Variants in KIF1B observed in about 807,000 individuals in gnomAD.
KIF1B encodes kinesin family member 1B.
Under a neutral mutation model 241.9 loss-of-function variants are expected in KIF1B, and 76 were observed. That is an observed-to-expected ratio of 0.31 (90% confidence interval 0.26 to 0.38). The LOEUF is 0.38. Ranked by LOEUF, KIF1B falls within the 10% of genes least tolerant of loss-of-function variation. The probability of loss-of-function intolerance (pLI) is 1.00; values close to 1 mark genes in which losing one functional copy is unlikely to be tolerated. For missense variants in KIF1B, 1,622 were observed against 2,271.4 expected (o/e 0.71, Z 5.81); for synonymous variants, 750 against 796.7 (o/e 0.94, Z 0.99).
chr1:10,312,222 TCAC>T (rs1292064138), intron 22 of KIF1B, among the ~76,000 whole-genome samples: 2 of 151,442 alleles, frequency 1.3e-5, no homozygotes, highest in African/African-American at 4.9e-5. Context: ...CAAATCCAAG[TCAC>T]CTTTAGTTTC....
intron 1 of KIF1B, among the ~76,000 whole-genome samples, chr1:10,230,424 G>A (rs928448491): frequency 1.4e-4 from 20 of 148,042 alleles, no homozygotes; most frequent in African/African-American, 4.8e-4. Context: ...AGAAAAATTG[G>A]TTGTTTTTTT....
chr1:10,291,055 T>G (rs772819710), intron 15 of KIF1B, 27 bp from the exon 16 acceptor site: 11 of 1,582,868 alleles, frequency 6.9e-6, no homozygotes, highest in African/African-American at 1.3e-5. Flanking sequence ...ACTCTTTGCC[T>G]CTTTAACTGT....
intron 1 of KIF1B, among the ~76,000 whole-genome samples, chr1:10,230,299 G>T (rs973315986): frequency 1.1e-4 from 16 of 152,076 alleles, no homozygotes; most frequent in African/African-American, 3.6e-4. Context: ...TTTAAGTTCT[G>T]TTGTGGTTCC....
chr1:10,313,127 A>T (rs1300906944), intron 22 of KIF1B, among the ~76,000 whole-genome samples: 1 of 151,172 alleles, frequency 6.6e-6, no homozygotes, highest in East Asian at 1.9e-4. Flanking sequence ...AGTGTGTGAC[A>T]CGATCTTGGC....
chr1:10,364,723 G>A (rs923900604), intron 41 of KIF1B, among the ~76,000 whole-genome samples: 1 of 151,866 alleles, frequency 6.6e-6, no homozygotes, highest in Non-Finnish European at 1.5e-5. Context: ...TTATTAATTC[G>A]TGGCCAGGCG....
At chr1:10,362,153 T>C (rs904950946) in intron 40 of KIF1B, among the ~76,000 whole-genome samples, 15 of 152,350 alleles carry the variant, frequency 9.8e-5, no homozygotes, top group South Asian at 2.1e-4. Context: ...AGATTTGTTA[T>C]GCATATTTAA....
chr1:10,331,978 T>C (rs1039763796), intron 27 of KIF1B, among the ~76,000 whole-genome samples: 20 of 150,242 alleles, frequency 1.3e-4, no homozygotes, highest in Admixed American at 6.7e-5. Context: ...CTTTCACTTA[T>C]GCATTTCTGA....
In KIF1B at chr1:10,360,983, T is replaced by A. The variant is rs749776582; in HGVS notation, c.4110T>A (p.Leu1370=). The A allele has an allele frequency of 3.3e-5, 53 of 1,614,026 alleles. No individual in the cohort carries two copies. In the South Asian group the frequency reaches 5.7e-4, roughly 17 times the overall value. The change falls in exon 39 of 49, where the codon CTT becomes CTA. Residue 1370 remains leucine, a synonymous_variant. Transcript: ENST00000676179. ...ATAGCTCTCTGCATAACTCCCTTCT[T>A]CTGAACCGAGTGACACCCTATGGAG... ...VWDSSLHNSL[L]LNRVTPYGEK...
chr1:10,348,802 G>T (rs1252697320), intron 37 of KIF1B, 69 bp downstream of exon 37: 4 of 1,096,458 alleles, frequency 3.6e-6, no homozygotes, highest in Non-Finnish European at 5.5e-6. Context: ...TTGAGATAGG[G>T]TCTTGCTCTG....
At chr1:10,263,086 C>G (rs1023425159) in intron 5 of KIF1B, among the ~76,000 whole-genome samples, 9 of 151,914 alleles carry the variant, frequency 5.9e-5, no homozygotes, top group Non-Finnish European at 1.2e-4. Context: ...AGTTTGAGAC[C>G]AGCGTGGCCA....
At chr1:10,220,808 G>C (rs1646835519) in intron 1 of KIF1B, among the ~76,000 whole-genome samples, 1 of 150,884 alleles carries the variant, frequency 6.6e-6, no homozygotes, top group Non-Finnish European at 1.5e-5. Flanking sequence ...GATTACAGGT[G>C]CCTGCCGCCA....
intron 1 of KIF1B, among the ~76,000 whole-genome samples, chr1:10,211,211 C>A (rs1646689136): frequency 6.6e-6 from 1 of 152,232 alleles, no homozygotes; most frequent in African/African-American, 2.4e-5. Context: ...GCGCACGTTG[C>A]AGCCCGGGGG....
intron 27 of KIF1B, among the ~76,000 whole-genome samples, chr1:10,333,058 T>C (rs1322854198): frequency 6.9e-6 from 1 of 144,304 alleles, no homozygotes; most frequent in Non-Finnish European, 1.5e-5. Flanking sequence ...GTGATCCGCC[T>C]ACCTCAGCCT....
In KIF1B at chr1:10,380,705, C is replaced by CA. The variant is rs548680591; in HGVS notation, c.*4127dup. 3.7e-3 allele frequency: 744 copies of CA among 202,748 alleles called. 3 individuals carry two copies. Among genetic ancestry groups the CA allele is most frequent in the African/African-American group, 0.012 (525 of 43,240 alleles). 12.6% of individuals were successfully genotyped at this position (202,748 alleles called of 1,614,324 possible). A position where few individuals can be genotyped will look rare whatever the true frequency, so the allele number is the denominator to read the frequency against. On this transcript the variant is annotated 3_prime_UTR_variant, in exon 49 of 49. Transcript: ENST00000676179. ...TGGGTGACAAAGCAGGACTCCGTCTCAAAAAAAAAGAAAAGATTCATGATG... is the reference window on the plus strand; with the variant it reads ...TGGGTGACAAAGCAGGACTCCGTCTCAAAAAAAAAAGAAAAGATTCATGATG...
At chr1:10,313,651 CA>C (rs1352786287) in intron 22 of KIF1B, among the ~76,000 whole-genome samples, 1 of 144,886 alleles carries the variant, frequency 6.9e-6, no homozygotes, top group Non-Finnish European at 1.5e-5. Context: ...CCTGGGTTCA[CA>C]CCATTCTCCT....
At chr1:10,252,056 T>A (rs1647481304) in intron 2 of KIF1B, among the ~76,000 whole-genome samples, 1 of 152,122 alleles carries the variant, frequency 6.6e-6, no homozygotes, top group Non-Finnish European at 1.5e-5. Flanking sequence ...TTATTTATTT[T>A]TGAGATGGAG....
intron 2 of KIF1B, among the ~76,000 whole-genome samples, chr1:10,245,984 A>G (rs1367235955): frequency 1.3e-5 from 2 of 152,148 alleles, no homozygotes; most frequent in Non-Finnish European, 2.9e-5. Flanking sequence ...TCCAGAAAAG[A>G]GAGACGCCCT....
intron 39 of KIF1B, 122 bp downstream of exon 39, chr1:10,361,165 A>G: frequency 1.4e-6 from 1 of 738,680 alleles, no homozygotes; most frequent in Admixed American, 2.0e-5. Context: ...CCACATCCTT[A>G]AGTTTTTCAT....
At chr1:10,235,862 C>CA (rs70997211) in intron 2 of KIF1B, among the ~76,000 whole-genome samples, 1,151 of 70,170 alleles carry the variant, frequency 0.016, 26 homozygotes, top group African/African-American at 0.052. Flanking sequence ...AACACTGTCT[C>CA]AAAAAAAAAA....
Sources: gnomAD v4.1 joint callset for allele counts (sites outside exome capture counted in the v4.1 genomes callset) on GRCh38, gnomAD v4.1.1 for gene constraint, MANE v1.5 for transcripts, NCBI Gene and HGNC (gene_info 2026-07-23, HGNC 2026-07-21) for gene names.